Variants in SH3RF1 observed in about 807,000 individuals in gnomAD.
SH3RF1 encodes the protein E3 ubiquitin-protein ligase SH3RF1.
In SH3RF1, 32 loss-of-function variants were observed where a neutral mutation model predicts 74.0. The observed-to-expected ratio is 0.43, with a 90% CI of 0.33 to 0.58. The LOEUF is 0.58. Ranked by LOEUF, SH3RF1 falls within the 20% of genes least tolerant of loss-of-function variation. SH3RF1 has a pLI of 0.05. For synonymous variants in SH3RF1, 396 were observed against 439.6 expected (o/e 0.90, Z 1.24); for missense variants, 954 against 1,130.9 (o/e 0.84, Z 2.24).
At chr4:169,122,504 T>C (rs1252426993) in intron 6 of SH3RF1, among the ~76,000 whole-genome samples, 1 of 152,064 alleles carries the variant, frequency 6.6e-6, no homozygotes, top group Non-Finnish European at 1.5e-5. Flanking sequence ...AGCAGGTAAG[T>C]AATCACCCTT....
chr4:169,175,345 C>T (rs1173440779), intron 2 of SH3RF1, among the ~76,000 whole-genome samples: 1 of 152,110 alleles, frequency 6.6e-6, no homozygotes, highest in Non-Finnish European at 1.5e-5. Context: ...TCCTGTGGCT[C>T]CCAAGGCTTT....
Position 169,190,287 on chromosome 4 carries a change from G to A in SH3RF1, c.394-33608C>T, listed in dbSNP as rs375665321. Among the ~76,000 whole-genome samples the A allele has an allele frequency of 7.9e-5, 12 of 152,212 alleles. No individual in the cohort carries two copies. The East Asian group carries it at 2.1e-3, about 27-fold the overall frequency. Reference sequence around the variant, plus strand: ...AAAAGATAAATGAAACAAAAAGCTGGTTCTTTGAAAAGATAAATCAAATTG... The same window carrying A: ...AAAAGATAAATGAAACAAAAAGCTGATTCTTTGAAAAGATAAATCAAATTG... On this transcript the variant is annotated intron_variant, in intron 2 of 11. Coordinates refer to ENST00000284637, the MANE Select transcript of SH3RF1 (RefSeq NM_020870.4).
intron 2 of SH3RF1, among the ~76,000 whole-genome samples, chr4:169,203,359 T>C (rs1734941630): frequency 6.6e-6 from 1 of 152,128 alleles, no homozygotes; most frequent in African/African-American, 2.4e-5. Context: ...CAGACCAGCC[T>C]GGGCAACATG....
chr4:169,128,009 A>C (rs950818646), intron 6 of SH3RF1, among the ~76,000 whole-genome samples: 3 of 152,204 alleles, frequency 2.0e-5, no homozygotes, highest in African/African-American at 7.2e-5. Context: ...TTTGAGCTTC[A>C]TGTTTGCACT....
chr4:169,129,720 TAAGA>T (rs1294487780), intron 6 of SH3RF1, among the ~76,000 whole-genome samples: 1 of 152,226 alleles, frequency 6.6e-6, no homozygotes, highest in African/African-American at 2.4e-5. Context: ...TGTGTCCTTA[TAAGA>T]AATAAGCAGG....
chr4:169,269,217 A>G lies in SH3RF1; in HGVS notation c.-5T>C. On this transcript the variant is annotated 5_prime_UTR_variant, in exon 2 of 12. Coordinates refer to ENST00000284637, the MANE Select transcript of SH3RF1 (RefSeq NM_020870.4). ...CAACAAGGCTGATTCATCCATCTTT[A>G]TCTACTTTACTGAGAAAAAATCTTC... The G allele has an allele frequency of 1.9e-6, 3 of 1,563,084 alleles. No homozygotes were observed. The highest frequency in any genetic ancestry group is 2.6e-6 in the Non-Finnish European group (3 of 1,160,492).
intron 2 of SH3RF1, among the ~76,000 whole-genome samples, chr4:169,191,591 A>G (rs1734711262): frequency 6.6e-6 from 1 of 152,212 alleles, no homozygotes; most frequent in Non-Finnish European, 1.5e-5. Context: ...AGCCAAAGCA[A>G]GACTAAGCAA....
Position 169,236,282 on chromosome 4 carries a change from T to G in SH3RF1, c.393+32538A>C, listed in dbSNP as rs937566815. Among the ~76,000 whole-genome samples, 6 of 152,224 alleles carry G rather than the reference T, an allele frequency of 3.9e-5. No homozygotes were observed. The East Asian group carries it at 9.6e-4, about 24-fold the overall frequency. On this transcript the variant is annotated intron_variant, in intron 2 of 11. Transcript: ENST00000284637. ...AACATGTCACTTCCAGATGGAAGCTTTAAGCCAGAACTCGACTTGCCAATT... is the reference window on the plus strand; with the variant it reads ...AACATGTCACTTCCAGATGGAAGCTGTAAGCCAGAACTCGACTTGCCAATT...
intron 2 of SH3RF1, among the ~76,000 whole-genome samples, chr4:169,244,018 T>C (rs776604300): frequency 2.0e-5 from 3 of 152,178 alleles, no homozygotes; most frequent in African/African-American, 7.2e-5. Context: ...GAGTAGTAAA[T>C]GAGGTTTTGA....
chr4:169,209,789 G>A (rs1175417201), intron 2 of SH3RF1, among the ~76,000 whole-genome samples: 1 of 151,968 alleles, frequency 6.6e-6, no homozygotes, highest in African/African-American at 2.4e-5. Context: ...TTTTCTTCAT[G>A]CCCTTTCTTT....
At chr4:169,189,681 G>A (rs546472886) in intron 2 of SH3RF1, among the ~76,000 whole-genome samples, 3 of 152,294 alleles carry the variant, frequency 2.0e-5, no homozygotes, top group East Asian at 1.9e-4. Context: ...CCAGGCAGGC[G>A]TGGGCTCCTA....
At chr4:169,156,765 A>C (rs1012087495) in intron 2 of SH3RF1, 86 bp from the exon 3 acceptor site, 6 of 1,288,286 alleles carry the variant, frequency 4.7e-6, no homozygotes, top group Non-Finnish European at 6.4e-6. Context: ...CATTGTTTTA[A>C]AGTCAAAGTC....
At chr4:169,251,975 C>T (rs1055635757) in intron 2 of SH3RF1, among the ~76,000 whole-genome samples, 3 of 152,138 alleles carry the variant, frequency 2.0e-5, no homozygotes, top group Non-Finnish European at 2.9e-5. Flanking sequence ...TGTGTTTGTG[C>T]CAACTAAGTG....
chr4:169,121,898 G>A (rs1003825166), intron 7 of SH3RF1, among the ~76,000 whole-genome samples: 6 of 152,310 alleles, frequency 3.9e-5, no homozygotes, highest in Non-Finnish European at 7.3e-5. Flanking sequence ...ATAATATTCT[G>A]GCAAGCTCAT....
At chr4:169,142,596 T>C (rs1389546291) in intron 4 of SH3RF1, among the ~76,000 whole-genome samples, 2 of 152,238 alleles carry the variant, frequency 1.3e-5, no homozygotes, top group Non-Finnish European at 2.9e-5. Flanking sequence ...GACTCAGCAG[T>C]TGTCCTATCA....
chr4:169,125,531 GTAAAGTGCTTTGCATT>G (rs1362840694), intron 6 of SH3RF1, among the ~76,000 whole-genome samples: 1 of 152,186 alleles, frequency 6.6e-6, no homozygotes, highest in Non-Finnish European at 1.5e-5. Context: ...CAGCTTGCCA[GTAAAGTGCTTTGCATT>G]GGAGCTTTGG....
intron 2 of SH3RF1, among the ~76,000 whole-genome samples, chr4:169,223,572 C>T (rs913088905): frequency 1.3e-5 from 2 of 152,212 alleles, no homozygotes; most frequent in East Asian, 1.9e-4. Context: ...CACCACGACA[C>T]ACCATGAATA....
intron 6 of SH3RF1, among the ~76,000 whole-genome samples, chr4:169,127,592 T>C (rs1416499951): frequency 6.6e-6 from 1 of 152,246 alleles, no homozygotes; most frequent in Non-Finnish European, 1.5e-5. Context: ...TTATAATTAG[T>C]TTTTCATTAA....
intron 2 of SH3RF1, among the ~76,000 whole-genome samples, chr4:169,236,798 C>A (rs1311471593): frequency 2.0e-5 from 3 of 152,032 alleles, no homozygotes; most frequent in African/African-American, 7.3e-5. Context: ...TATTATTATT[C>A]CCATAATAAA....
Sources: gnomAD v4.1 joint callset for allele counts (sites outside exome capture counted in the v4.1 genomes callset) on GRCh38, gnomAD v4.1.1 for gene constraint, MANE v1.5 for transcripts, NCBI Gene and HGNC (gene_info 2026-07-23, HGNC 2026-07-21) for gene names.